The following WDR72 variants were observed in gnomAD, a reference collection of about 807,000 sequenced individuals.
WDR72 encodes the protein WD repeat domain 72.
A neutral mutation model predicts 124.2 loss-of-function variants in WDR72; 120 were observed. The observed-to-expected ratio is 0.97, with a 90% CI of 0.83 to 1.12. WDR72 has a LOEUF of 1.12. Ranked by LOEUF, WDR72 falls within the 50% of genes most tolerant of loss-of-function variation. The pLI is 0.00. For missense variants in WDR72, 1,387 were observed against 1,278.8 expected (o/e 1.08, Z -1.29); for synonymous variants, 452 against 441.7 (o/e 1.02, Z -0.29).
At chr15:53,531,579 G>C (rs912378902) in intron 18 of WDR72, among the ~76,000 whole-genome samples, 1 of 152,024 alleles carries the variant, frequency 6.6e-6, no homozygotes, top group Non-Finnish European at 1.5e-5. Flanking sequence ...AAGTAGTAGA[G>C]TTTCATTTGA....
At position 53,668,926 on chromosome 15, in the gene WDR72, A is replaced by AAGGAGGAGG. The variant is rs1165542245; in HGVS notation, c.1766-3167_1766-3159dup. 7.4e-5 allele frequency among the ~76,000 whole-genome samples: 5 copies of AAGGAGGAGG among 67,350 alleles called. No homozygotes were observed. In the South Asian group the frequency reaches 3.9e-3, roughly 52 times the overall value. The allele number at this position is 67,350 out of a possible 152,430, so 44.2% of individuals were successfully genotyped here. On this transcript the variant is annotated intron_variant, in intron 13 of 19. Transcript: ENST00000360509. ...TCTCAAAAAAAAAAAAAAAAAGAGG[A>AAGGAGGAGG]AGGAGGAGGAGGAGGAGGAGCAGGA...
chr15:53,754,881 T>C (rs2018860782), intron 1 of WDR72, among the ~76,000 whole-genome samples: 1 of 152,222 alleles, frequency 6.6e-6, no homozygotes, highest in South Asian at 2.1e-4. Flanking sequence ...GATTTTTCTC[T>C]GGATTTCATT....
intron 18 of WDR72, among the ~76,000 whole-genome samples, chr15:53,545,177 G>A (rs1188361586): frequency 2.0e-5 from 3 of 151,326 alleles, no homozygotes; most frequent in South Asian, 2.1e-4. Flanking sequence ...AAGTTCATGT[G>A]GAACCAAAAA....
At chr15:53,690,659 T>C (rs1388462604) in intron 13 of WDR72, among the ~76,000 whole-genome samples, 1 of 152,198 alleles carries the variant, frequency 6.6e-6, no homozygotes, top group Non-Finnish European at 1.5e-5. Context: ...ATGTGTATAT[T>C]ATGATTTGTT....
intron 13 of WDR72, among the ~76,000 whole-genome samples, chr15:53,690,603 G>A (rs1477777341): frequency 6.6e-6 from 1 of 152,140 alleles, no homozygotes; most frequent in Non-Finnish European, 1.5e-5. Flanking sequence ...TCAAGTTGTA[G>A]CATGACAACT....
intron 18 of WDR72, among the ~76,000 whole-genome samples, chr15:53,540,049 G>A (rs141538579): frequency 7.2e-5 from 11 of 152,084 alleles, no homozygotes; most frequent in Middle Eastern, 3.2e-3. Flanking sequence ...AGAGTATTTC[G>A]TAATACTAAA....
chr15:53,676,750 G>C (rs1237575698), intron 13 of WDR72, among the ~76,000 whole-genome samples: 1 of 152,120 alleles, frequency 6.6e-6, no homozygotes, highest in Non-Finnish European at 1.5e-5. Flanking sequence ...CTAATTTACA[G>C]AACTGTGAGA....
intron 18 of WDR72, among the ~76,000 whole-genome samples, chr15:53,551,939 G>T (rs1333528384): frequency 6.6e-6 from 1 of 152,066 alleles, no homozygotes; most frequent in African/African-American, 2.4e-5. Context: ...CTGGCAGTTG[G>T]TCTCTATTTA....
chr15:53,714,099 A>G (rs2017633175), intron 6 of WDR72, among the ~76,000 whole-genome samples: 1 of 152,114 alleles, frequency 6.6e-6, no homozygotes, highest in African/African-American at 2.4e-5. Flanking sequence ...CACTGTTCAC[A>G]TATACTCAGA....
At chr15:53,724,233 G>A (rs982764418) in intron 2 of WDR72, among the ~76,000 whole-genome samples, 3 of 152,154 alleles carry the variant, frequency 2.0e-5, no homozygotes, top group Non-Finnish European at 4.4e-5. Flanking sequence ...TGTACACATG[G>A]TGACTATAGT....
At chr15:53,597,009 C>A in intron 18 of WDR72, 70 bp downstream of exon 18, 2 of 1,469,374 alleles carry the variant, frequency 1.4e-6, no homozygotes, top group East Asian at 4.5e-5. Context: ...AGTTGCACCA[C>A]CATAAGTTGG....
At chr15:53,756,257 C>A (rs2018902447) in intron 1 of WDR72, among the ~76,000 whole-genome samples, 1 of 152,130 alleles carries the variant, frequency 6.6e-6, no homozygotes, top group Non-Finnish European at 1.5e-5. Flanking sequence ...GGGGCTTCCC[C>A]CTTTGCTCCG....
chr15:53,712,849 A>C lies in WDR72; in HGVS notation c.634T>G (p.Ser212Ala). The change falls in exon 7 of 20, where the codon TCC (serine) becomes GCC (alanine). Residue 212 changes from serine to alanine, a missense_variant. By Grantham distance (99) the Ser-to-Ala change is moderately conservative. Coordinates refer to ENST00000360509, the MANE Select transcript of WDR72 (RefSeq NM_182758.4). The part of the protein sequence containing the change: ...VYEKESKFLE[S>A]LNCQTIRFCT... ...AATCGAATTGTCTGGCAGTTCAAGG[A>C]CTCAAGAAACTTGGATTCTTTTTCA... 6.2e-7 allele frequency: 1 copy of C among 1,613,834 alleles called. No individual in the cohort carries two copies. Among genetic ancestry groups the C allele is most frequent in the Non-Finnish European group, 8.5e-7 (1 of 1,179,884 alleles).
intron 13 of WDR72, among the ~76,000 whole-genome samples, chr15:53,697,283 T>C (rs1184873591): frequency 6.6e-6 from 1 of 152,218 alleles, no homozygotes; most frequent in Non-Finnish European, 1.5e-5. Context: ...CCCTTCTGTG[T>C]CCTTCCTTTT....
chr15:53,605,439 T>C (rs2013237885), intron 17 of WDR72, among the ~76,000 whole-genome samples: 1 of 152,180 alleles, frequency 6.6e-6, no homozygotes. Flanking sequence ...CAAACCCCCA[T>C]ACACAAGTTT....
chr15:53,535,425 A>T (rs1007929364), intron 18 of WDR72, among the ~76,000 whole-genome samples: 6 of 152,194 alleles, frequency 3.9e-5, no homozygotes, highest in Non-Finnish European at 7.3e-5. Context: ...TGAGTTTAAG[A>T]TCACAGAGAT....
At chr15:53,754,277 C>G (rs1343784363) in intron 1 of WDR72, among the ~76,000 whole-genome samples, 1 of 152,066 alleles carries the variant, frequency 6.6e-6, no homozygotes, top group Non-Finnish European at 1.5e-5. Context: ...CATCGTAACA[C>G]TAGTGTCATG....
intron 18 of WDR72, among the ~76,000 whole-genome samples, chr15:53,537,439 G>C (rs1035017965): frequency 3.3e-5 from 5 of 152,276 alleles, no homozygotes; most frequent in African/African-American, 4.8e-5. Context: ...AAGACAAGTA[G>C]TTTATTGATA....
At chr15:53,652,272 C>T (rs1057077981) in intron 14 of WDR72, 3 of 152,052 alleles carry the variant, frequency 2.0e-5, no homozygotes, top group South Asian at 4.2e-4. Context: ...AAGAACAAAT[C>T]CTATGAAGCT....
Sources: allele counts gnomAD v4.1 joint callset (sites outside exome capture counted in the v4.1 genomes callset), GRCh38; gene constraint gnomAD v4.1.1; transcripts MANE v1.5; gene names NCBI Gene and HGNC (gene_info 2026-07-23, HGNC 2026-07-21).